The following GRSF1 variants were observed in gnomAD, a reference collection of about 807,000 sequenced individuals.
The protein encoded by GRSF1 is G-rich sequence factor 1.
In GRSF1, 50 loss-of-function variants were observed where a neutral mutation model predicts 51.1. The ratio of observed to expected loss-of-function variants is 0.98; its 90% confidence interval spans 0.78 to 1.24. The LOEUF (loss-of-function observed/expected upper bound fraction) is 1.24, where lower values mean the gene tolerates loss of function less well. Ranked by LOEUF, GRSF1 falls within the 50% of genes most tolerant of loss-of-function variation. GRSF1 has a pLI of 0.00. For missense variants in GRSF1, 700 were observed against 639.7 expected (o/e 1.09, Z -1.02); for synonymous variants, 293 against 253.3 (o/e 1.16, Z -1.49).
intron 9 of GRSF1, among the ~76,000 whole-genome samples, chr4:70,821,817 A>G (rs187174864): frequency 2.4e-4 from 37 of 151,932 alleles, no homozygotes; most frequent in African/African-American, 7.7e-4. Context: ...CTGGAACTAC[A>G]GACATGCACC....
chr4:70,815,809 C>G lies in GRSF1; in HGVS notation c.*5078G>C, dbSNP rs550054341. On this transcript the variant is annotated 3_prime_UTR_variant, in exon 10 of 10. Coordinates refer to ENST00000254799, the MANE Select transcript of GRSF1 (RefSeq NM_002092.4). ...TGTACATGTTCATACCAACTTTATT[C>G]ATGATAGCCCCAAACTAGAAACAGC... 1.3e-5 allele frequency: 2 copies of G among 152,294 alleles called. No individual in the cohort carries two copies. Among genetic ancestry groups the G allele is most frequent in the Admixed American group, 6.5e-5 (1 of 15,292 alleles). 9.4% of individuals were successfully genotyped at this position (152,294 alleles called of 1,614,324 possible).
At chr4:70,821,661 GT>G (rs1183018536) in intron 9 of GRSF1, among the ~76,000 whole-genome samples, 1 of 131,552 alleles carries the variant, frequency 7.6e-6, no homozygotes, top group African/African-American at 2.7e-5. Context: ...GAATGTCCGT[GT>G]TTTTTTGTTC....
chr4:70,823,188 G>A (rs1355327531), intron 9 of GRSF1, among the ~76,000 whole-genome samples: 1 of 151,918 alleles, frequency 6.6e-6, no homozygotes, highest in African/African-American at 2.4e-5. Flanking sequence ...CTGAGGTCAG[G>A]AGTTCAAGAC....
chr4:70,830,393 TATCA>T (rs1560598293), intron 5 of GRSF1, among the ~76,000 whole-genome samples: 1 of 150,178 alleles, frequency 6.7e-6, no homozygotes, highest in East Asian at 2.0e-4. Flanking sequence ...TGTAGTGAGC[TATCA>T]TCATGCCACT....
In GRSF1 at chr4:70,832,406, A is replaced by C; in HGVS notation, c.715T>G (p.Leu239Val). 6.2e-7 allele frequency: 1 copy of C among 1,611,168 alleles called. No individual in the cohort carries two copies. Among genetic ancestry groups the C allele is most frequent in the East Asian group, 2.2e-5 (1 of 44,870 alleles). ...NEDVDALMKS[L>V]QVKSSPVVND... The stretch of plus-strand genomic sequence containing the variant: ...ACCACAGGCGAAGATTTGACCTGCA[A>C]GCTCTTCATTAAGGCATCCACATCT... Residue 239 changes from leucine (L) to valine (V), a missense_variant, in exon 4 of 10, where the codon TTG (leucine) becomes GTG (valine). Leu to Val is a conservative substitution (Grantham distance 32). Coordinates refer to ENST00000254799, the MANE Select transcript of GRSF1 (RefSeq NM_002092.4).
rs1458115868 is a variant in GRSF1, at chr4:70,820,672, TTG to T, written c.*213_*214del. Reference sequence around the variant, plus strand: ...GGACAGTTTAAACAAAAATTTTAATTTGTGGTTTATTTCATAATCCCAAACTG... The same window carrying T: ...GGACAGTTTAAACAAAAATTTTAATTTGGTTTATTTCATAATCCCAAACTG... On this transcript the variant is annotated 3_prime_UTR_variant, in exon 10 of 10. Coordinates refer to ENST00000254799, the MANE Select transcript of GRSF1 (RefSeq NM_002092.4). The T allele has an allele frequency of 6.6e-6, 1 of 152,550 alleles. No homozygotes were observed. The highest frequency in any genetic ancestry group is 1.5e-5 in the Non-Finnish European group (1 of 68,038). The allele number at this position is 152,550 out of a possible 1,614,324, so 9.4% of individuals were successfully genotyped here.
At chr4:70,833,705 G>A (rs1734076199) in intron 2 of GRSF1, among the ~76,000 whole-genome samples, 1 of 152,100 alleles carries the variant, frequency 6.6e-6, no homozygotes, top group African/African-American at 2.4e-5. Flanking sequence ...TTTTTGTAGA[G>A]AGGCGGTCTC....
intron 2 of GRSF1, among the ~76,000 whole-genome samples, chr4:70,835,454 GA>G (rs1734164246): frequency 6.9e-6 from 1 of 145,352 alleles, no homozygotes. Flanking sequence ...TACATAGTAT[GA>G]TGGATTTTTT....
At chr4:70,823,225 C>T (rs1246505030) in intron 9 of GRSF1, among the ~76,000 whole-genome samples, 3 of 151,854 alleles carry the variant, frequency 2.0e-5, no homozygotes, top group Admixed American at 1.3e-4. Context: ...GGAGAAACCC[C>T]GTCTCTACTA....
At chr4:70,835,364 A>G (rs534867739) in intron 2 of GRSF1, among the ~76,000 whole-genome samples, 1 of 144,778 alleles carries the variant, frequency 6.9e-6, no homozygotes, top group Non-Finnish European at 1.5e-5. Context: ...CGGGAGGCGG[A>G]GCTTGCAGTG....
Position 70,839,652 on chromosome 4 carries a change from G to A in GRSF1, c.176C>T (p.Ala59Val), listed in dbSNP as rs1734383596. 7.2e-7 allele frequency: 1 copy of A among 1,395,652 alleles called. No homozygotes were observed. The highest frequency in any genetic ancestry group is 9.2e-7 in the Non-Finnish European group (1 of 1,088,048). 86.5% of individuals were successfully genotyped at this position (1,395,652 alleles called of 1,614,324 possible). A position where few individuals can be genotyped will look rare whatever the true frequency, so the allele number is the denominator to read the frequency against. The change falls in exon 1 of 10, where the codon GCT (alanine) becomes GTT (valine). Residue 59 changes from alanine (A) to valine (V), a missense_variant. Ala to Val is a moderately conservative substitution (Grantham distance 64, BLOSUM62 0). Transcript: ENST00000254799. ...CTGGAGGCCACGCGTCTGGGAGGCA[G>A]CGGCCGCGGCGGCCCCGAGCAGCAG... The part of the protein sequence containing the change: ...LLLLLGAAAA[A>V]ASQTRGLQTG...
At chr4:70,836,877 G>T (rs571120712) in intron 1 of GRSF1, among the ~76,000 whole-genome samples, 1 of 152,190 alleles carries the variant, frequency 6.6e-6, no homozygotes, top group African/African-American at 2.4e-5. Context: ...GAAGCAGTAC[G>T]ACCAAATGCC....
At chr4:70,827,428 T>TAA (rs1332911937) in intron 6 of GRSF1, among the ~76,000 whole-genome samples, 1 of 152,158 alleles carries the variant, frequency 6.6e-6, no homozygotes, top group Non-Finnish European at 1.5e-5. Flanking sequence ...TAAAAATGAT[T>TAA]AAATTAAAAA....
intron 4 of GRSF1, 71 bp from the exon 5 acceptor site, chr4:70,831,745 T>C: frequency 2.2e-6 from 3 of 1,340,802 alleles, no homozygotes; most frequent in Non-Finnish European, 3.1e-6. Flanking sequence ...ATCATTCACA[T>C]ACTAATAAAA....
chr4:70,831,449 T>C lies in GRSF1; in HGVS notation c.950+90A>G, dbSNP rs568688040. On this transcript the variant is annotated intron_variant, in intron 5 of 9. Transcript: ENST00000254799. ...ACACTACTCTCTCTACTTTTCTATG[T>C]TTGGATAACTTTTCAGTCATATTAC... 8 of 1,168,134 alleles carry C rather than the reference T, an allele frequency of 6.8e-6. No homozygotes were observed. The East Asian group carries it at 1.2e-4, about 18-fold the overall frequency. 72.4% of individuals were successfully genotyped at this position (1,168,134 alleles called of 1,614,324 possible). A position where few individuals can be genotyped will look rare whatever the true frequency, so the allele number is the denominator to read the frequency against.
Position 70,817,141 on chromosome 4 carries a change from C to G in GRSF1, c.*3746G>C, listed in dbSNP as rs560681776. ...TGAATTACAGGAGGGGAAGGAGAAT[C>G]TTCACTACCGTTTGTATCTCTTCAA... On this transcript the variant is annotated 3_prime_UTR_variant, in exon 10 of 10. Coordinates refer to ENST00000254799, the MANE Select transcript of GRSF1 (RefSeq NM_002092.4). The G allele has an allele frequency of 2.6e-5, 4 of 152,096 alleles. No individual in the cohort carries two copies. The highest frequency in any genetic ancestry group is 9.7e-5 in the African/African-American group (4 of 41,404). 9.4% of individuals were successfully genotyped at this position (152,096 alleles called of 1,614,324 possible).
In GRSF1 at chr4:70,826,250, G is replaced by C; in HGVS notation, c.1136-5C>G. Reference sequence around the variant, plus strand: ...CTGGCACCTCCTTAGGCAATTCTGAGAGGTGGAACAGAAAGCACTGTTAAA... The same window carrying C: ...CTGGCACCTCCTTAGGCAATTCTGACAGGTGGAACAGAAAGCACTGTTAAA... On this transcript the variant is annotated splice_region_variant and splice_polypyrimidine_tract_variant and intron_variant, in intron 6 of 9. Transcript: ENST00000254799. The C allele has an allele frequency of 1.3e-6, 2 of 1,597,990 alleles. No homozygotes were observed. Among genetic ancestry groups the C allele is most frequent in the Non-Finnish European group, 1.7e-6 (2 of 1,174,834 alleles).
Position 70,836,291 on chromosome 4 carries a change from T to C in GRSF1, c.381A>G (p.Glu127=). Residue 127 remains glutamate (E), a synonymous_variant, in exon 2 of 10, where the codon GAA becomes GAG. Coordinates refer to ENST00000254799, the MANE Select transcript of GRSF1 (RefSeq NM_002092.4). Reference sequence around the variant, plus strand: ...CATACTCAGGGGGTGGTGGAAGGTCTTCCAGGTAAGTAGTTTTGGACTCCT... The same window carrying C: ...CATACTCAGGGGGTGGTGGAAGGTCCTCCAGGTAAGTAGTTTTGGACTCCT... ...YSQESKTTYL[E]DLPPPPEYEL... is the part of the protein sequence containing the mutation. 1 of 1,590,238 alleles carries C rather than the reference T, an allele frequency of 6.3e-7. No individual in the cohort carries two copies. Among genetic ancestry groups the C allele is most frequent in the Non-Finnish European group, 8.5e-7 (1 of 1,173,184 alleles).
At chr4:70,827,746 T>G in intron 6 of GRSF1, 106 bp downstream of exon 6, 1 of 780,404 alleles carries the variant, frequency 1.3e-6, no homozygotes, top group Non-Finnish European at 2.1e-6. Flanking sequence ...ACCACTGCAC[T>G]CCAGCCTGGC....
Sources: allele counts gnomAD v4.1 joint callset (sites outside exome capture counted in the v4.1 genomes callset), GRCh38; gene constraint gnomAD v4.1.1; transcripts MANE v1.5; gene names NCBI Gene and HGNC (gene_info 2026-07-23, HGNC 2026-07-21).